Variants in SPAST observed in about 807,000 individuals in gnomAD.
SPAST encodes spastin, also known as spastic paraplegia 4 (autosomal dominant; spastin).
A neutral mutation model predicts 76.6 loss-of-function variants in SPAST; 30 were observed. That is an observed-to-expected ratio of 0.39 (90% CI 0.29 to 0.53). The LOEUF (loss-of-function observed/expected upper bound fraction) is 0.53. Ranked by LOEUF, SPAST falls within the 20% of genes least tolerant of loss-of-function variation. SPAST has a pLI of 0.68. For missense variants in SPAST, 717 were observed against 770.5 expected, an observed-to-expected ratio of 0.93 and a Z score of 0.82; for synonymous variants, 305 against 281.0, an observed-to-expected ratio of 1.09 and a Z score of -0.86.
chr2:32,148,931 C>A (rs7604289), intron 16 of SPAST, among the ~76,000 whole-genome samples: 55,129 of 149,716 alleles, frequency 0.37, 10,465 homozygotes, highest in East Asian at 0.64. Context: ...CCAAGATTGC[C>A]CCATTGCACT....
At chr2:32,145,107 T>G in intron 15 of SPAST, 100 bp downstream of exon 15, 1 of 851,098 alleles carries the variant, frequency 1.2e-6, no homozygotes, top group Non-Finnish European at 1.9e-6. Flanking sequence ...TTTTTTTCTT[T>G]TGGAGACAGG....
At chr2:32,101,889 A>G (rs191542736) in intron 4 of SPAST, among the ~76,000 whole-genome samples, 1 of 152,234 alleles carries the variant, frequency 6.6e-6, no homozygotes, top group Non-Finnish European at 1.5e-5. Context: ...TTCGTAGTAT[A>G]GTTTGAAGTC....
chr2:32,103,971 T>C (rs1381600115), intron 4 of SPAST, among the ~76,000 whole-genome samples: 4 of 152,216 alleles, frequency 2.6e-5, no homozygotes, highest in Non-Finnish European at 5.9e-5. Context: ...GTTCTGTAGA[T>C]GTCTATTAGG....
rs1397136717 is a variant in SPAST, at chr2:32,145,018, A to G, written c.1687+11A>G. The G allele has an allele frequency of 1.9e-6, 3 of 1,596,006 alleles. No individual in the cohort carries two copies. Among genetic ancestry groups the G allele is most frequent in the East Asian group, 2.2e-5 (1 of 44,790 alleles). On this transcript the variant is annotated intron_variant, in intron 15 of 16. Coordinates refer to ENST00000315285, the MANE Select transcript of SPAST (RefSeq NM_014946.4). Reference sequence around the variant, plus strand: ...TGGGTCCTATCCGAGGTAGGTATACAAGAGCTTAAAACATTTAGAACTATT... The same window carrying G: ...TGGGTCCTATCCGAGGTAGGTATACGAGAGCTTAAAACATTTAGAACTATT...
At chr2:32,110,606 A>G (rs999943025) in intron 4 of SPAST, among the ~76,000 whole-genome samples, 73 of 135,558 alleles carry the variant, frequency 5.4e-4, no homozygotes, top group Non-Finnish European at 9.7e-4. Flanking sequence ...TATACACTAT[A>G]TACTATATAG....
chr2:32,118,573 G>GTT (rs1434369418), intron 7 of SPAST, among the ~76,000 whole-genome samples: 2 of 152,068 alleles, frequency 1.3e-5, no homozygotes, highest in Admixed American at 1.3e-4. Flanking sequence ...TGAAAAAAAA[G>GTT]CTTGCTTAAA....
chr2:32,134,805 C>A (rs1041120029), intron 9 of SPAST, among the ~76,000 whole-genome samples: 1 of 152,120 alleles, frequency 6.6e-6, no homozygotes, highest in Non-Finnish European at 1.5e-5. Context: ...AAGCAATTCT[C>A]CCACGTCAGC....
chr2:32,145,572 TG>T (rs1302244141), intron 15 of SPAST, among the ~76,000 whole-genome samples: 3 of 152,254 alleles, frequency 2.0e-5, no homozygotes, highest in Non-Finnish European at 2.9e-5. Flanking sequence ...ATCTGTTTTC[TG>T]GCTCTTTTCA....
At chr2:32,088,247 G>C (rs1404054610) in intron 2 of SPAST, among the ~76,000 whole-genome samples, 2 of 151,486 alleles carry the variant, frequency 1.3e-5, no homozygotes, top group Non-Finnish European at 1.5e-5. Context: ...TTCTGTGACT[G>C]ATCTTAAACT....
chr2:32,154,908 T>C lies in SPAST; in HGVS notation c.*412T>C, dbSNP rs1198875153. On this transcript the variant is annotated 3_prime_UTR_variant, in exon 17 of 17. Coordinates refer to ENST00000315285, the MANE Select transcript of SPAST (RefSeq NM_014946.4). ...CTGATGTTTTTTCTTAAAATAGTAATTTCTCCTACTTTTCTTTTCTACTGT... is the reference window on the plus strand; with the variant it reads ...CTGATGTTTTTTCTTAAAATAGTAACTTCTCCTACTTTTCTTTTCTACTGT... 5.9e-6 allele frequency: 1 copy of C among 170,248 alleles called. No homozygotes were observed. Among genetic ancestry groups the C allele is most frequent in the African/African-American group, 2.4e-5 (1 of 41,680 alleles). 10.5% of individuals were successfully genotyped at this position (170,248 alleles called of 1,614,324 possible).
At chr2:32,089,688 C>A in intron 3 of SPAST, 83 bp downstream of exon 3, 2 of 793,860 alleles carry the variant, frequency 2.5e-6, no homozygotes, top group South Asian at 1.4e-5. Context: ...AGAAATAGAT[C>A]AGTGATTGAA....
intron 3 of SPAST, among the ~76,000 whole-genome samples, chr2:32,093,464 A>G (rs966373918): frequency 4.6e-5 from 7 of 152,210 alleles, no homozygotes; most frequent in African/African-American, 1.7e-4. Flanking sequence ...CCTGGATGAC[A>G]GAGTGAGACT....
Position 32,064,198 on chromosome 2 carries a change from G to T in SPAST, c.367G>T (p.Ala123Ser). 6.5e-7 allele frequency: 1 copy of T among 1,549,458 alleles called. No homozygotes were observed. The highest frequency in any genetic ancestry group is 1.2e-5 in the South Asian group (1 of 84,274). ...GCGCGTCCGAGTCTTCCACAAACAG[G>T]CCTTCGAGTACATCTCCATTGCCCT... The part of the protein sequence containing the change: ...AERVRVFHKQ[A>S]FEYISIALRI... The change falls in exon 1 of 17, where the codon GCC becomes TCC. Residue 123 changes from alanine to serine, a missense_variant. Ala to Ser is a moderately conservative substitution (Grantham distance 99, BLOSUM62 1). Coordinates refer to ENST00000315285, the MANE Select transcript of SPAST (RefSeq NM_014946.4).
rs138497622 is a variant in SPAST at position 32,128,449 on chromosome 2, T to C, written c.1215T>C (p.Asn405=). 8.7e-6 allele frequency: 14 copies of C among 1,612,696 alleles called. No homozygotes were observed. In the African/African-American group the frequency reaches 1.7e-4, roughly 20 times the overall value. Residue 405 remains asparagine, a synonymous_variant, in exon 9 of 17, where the codon AAT becomes AAC. Transcript: ENST00000315285. Reference sequence around the variant, plus strand: ...CAGAATCGAATGCAACCTTCTTTAATATAAGTGCTGCAAGTTTAACTTCAA... The same window carrying C: ...CAGAATCGAATGCAACCTTCTTTAACATAAGTGCTGCAAGTTTAACTTCAA... ...VAAESNATFF[N]ISAASLTSKY...
chr2:32,153,919 A>G (rs750420159), intron 16 of SPAST, among the ~76,000 whole-genome samples: 3 of 152,128 alleles, frequency 2.0e-5, no homozygotes, highest in Non-Finnish European at 4.4e-5. Flanking sequence ...TCTACTAAAA[A>G]TACAAAAATT....
At chr2:32,069,853 C>T (rs1676678066) in intron 1 of SPAST, among the ~76,000 whole-genome samples, 3 of 152,026 alleles carry the variant, frequency 2.0e-5, no homozygotes, top group Admixed American at 6.6e-5. Context: ...GCCACTGCGC[C>T]TGGCCTACTT....
At chr2:32,149,268 T>TTGTTG (rs922633725) in intron 16 of SPAST, among the ~76,000 whole-genome samples, 1 of 148,798 alleles carries the variant, frequency 6.7e-6, no homozygotes, top group African/African-American at 2.5e-5. Flanking sequence ...TTTTTTTTTT[T>TTGTTG]TTGTATTTTT....
intron 7 of SPAST, among the ~76,000 whole-genome samples, chr2:32,122,818 C>T (rs1288414413): frequency 6.6e-6 from 1 of 151,536 alleles, no homozygotes; most frequent in Admixed American, 6.6e-5. Context: ...TTGCAGATAA[C>T]ATGATTGCAT....
At chr2:32,098,492 G>A (rs1210694249) in intron 3 of SPAST, among the ~76,000 whole-genome samples, 2 of 152,030 alleles carry the variant, frequency 1.3e-5, no homozygotes, top group South Asian at 2.1e-4. Context: ...TGTTTTGGAC[G>A]TATTAGATAT....
Sources: allele counts gnomAD v4.1 joint callset (sites outside exome capture counted in the v4.1 genomes callset), GRCh38; gene constraint gnomAD v4.1.1; transcripts MANE v1.5; gene names NCBI Gene and HGNC (gene_info 2026-07-23, HGNC 2026-07-21).